Variants in STAR observed in about 807,000 individuals in gnomAD.
STAR encodes the protein steroidogenic acute regulatory protein, also known as steroidogenic acute regulatory protein, mitochondrial.
Under a neutral mutation model 32.3 loss-of-function variants are expected in STAR, and 32 were observed. That is an observed-to-expected ratio of 0.99 (90% confidence interval 0.75 to 1.33). The LOEUF (loss-of-function observed/expected upper bound fraction) is 1.33, where lower values mean the gene tolerates loss of function less well. Ranked by LOEUF, STAR falls within the 40% of genes most tolerant of loss-of-function variation. The pLI is 0.00. For missense variants in STAR, 375 were observed against 379.0 expected, an observed-to-expected ratio of 0.99 and a Z score of 0.09; for synonymous variants, 134 against 140.5, an observed-to-expected ratio of 0.95 and a Z score of 0.33.
chr8:38,148,480 C>T, intron 2 of STAR, 153 bp from the exon 3 acceptor site: 1 of 1,391,398 alleles, frequency 7.2e-7, no homozygotes, highest in Non-Finnish European at 9.9e-7. Context: ...ACAGCCGCCC[C>T]AGGTGACCAG....
intron 4 of STAR, 36 bp from the exon 5 acceptor site, chr8:38,146,183 C>T: frequency 6.2e-7 from 1 of 1,613,684 alleles, no homozygotes; most frequent in South Asian, 1.1e-5. Context: ...CACGACTCAG[C>T]CTGTGTTGGG....
At chr8:38,150,683 G>C (rs765536237) in intron 1 of STAR, 72 bp downstream of exon 1, 27 of 1,599,808 alleles carry the variant, frequency 1.7e-5, no homozygotes, top group Admixed American at 1.0e-4. Flanking sequence ...ACTAGGATCA[G>C]AATTGGGTGG....
intron 5 of STAR, 100 bp downstream of exon 5, chr8:38,145,863 G>C: frequency 6.9e-7 from 1 of 1,446,592 alleles, no homozygotes; most frequent in South Asian, 1.2e-5. Flanking sequence ...GTGCACCAAG[G>C]GTTGGTTTCT....
At position 38,150,896 on chromosome 8, in the gene STAR, G is replaced by A. The variant is rs1264801797; in HGVS notation, c.-78C>T. The A allele has an allele frequency of 6.3e-7, 1 of 1,599,686 alleles. No individual in the cohort carries two copies. Among genetic ancestry groups the A allele is most frequent in the Non-Finnish European group, 8.5e-7 (1 of 1,179,820 alleles). On this transcript the variant is annotated 5_prime_UTR_variant, in exon 1 of 7. Coordinates refer to ENST00000276449, the MANE Select transcript of STAR (RefSeq NM_000349.3). ...CGCTGCTGCTGCCTCTTCTCTCAAG[G>A]GTGGTTCTTCGTCCTTCCTGAGCCC...
Position 38,150,752 on chromosome 8 carries a change from C to A in STAR, c.64+3G>T. ...CTCATCGCCTCCTTCCCGCAGCGCTCACCCTTCATGTTGCGCATGTGTCTG... is the reference window on the plus strand; with the variant it reads ...CTCATCGCCTCCTTCCCGCAGCGCTAACCCTTCATGTTGCGCATGTGTCTG... On this transcript the variant is annotated splice_donor_region_variant and intron_variant, in intron 1 of 6. Coordinates refer to ENST00000276449, the MANE Select transcript of STAR (RefSeq NM_000349.3). 6.2e-7 allele frequency: 1 copy of A among 1,606,912 alleles called. No homozygotes were observed. Among genetic ancestry groups the A allele is most frequent in the South Asian group, 1.1e-5 (1 of 91,078 alleles).
In STAR at chr8:38,148,925, C is replaced by T. The variant is rs1442342355; in HGVS notation, c.65-171G>A. ...CTGAACTAGAGCCAGGCCCTCAACT[C>T]CCATGGCAGTGCTCCAGGGTCCAGA... On this transcript the variant is annotated intron_variant, in intron 1 of 6. Transcript: ENST00000276449. 3 of 629,426 alleles carry T rather than the reference C, an allele frequency of 4.8e-6. No individual in the cohort carries two copies. In the South Asian group the frequency reaches 5.4e-5, roughly 11 times the overall value. 39.0% of individuals were successfully genotyped at this position (629,426 alleles called of 1,614,324 possible). A position where few individuals can be genotyped will look rare whatever the true frequency, so the allele number is the denominator to read the frequency against.
In STAR at chr8:38,145,147, A is replaced by G. The variant is rs1802544241; in HGVS notation, c.744+75T>C. 1.9e-6 allele frequency: 3 copies of G among 1,607,836 alleles called. No individual in the cohort carries two copies. The South Asian group carries it at 3.3e-5, about 18-fold the overall frequency. Reference sequence around the variant, plus strand: ...CAGAATAGAAGAGGATTCTTTCTGCAGCATGGGGGGAATGGGAAGAGCCTG... The same window carrying G: ...CAGAATAGAAGAGGATTCTTTCTGCGGCATGGGGGGAATGGGAAGAGCCTG... On this transcript the variant is annotated intron_variant, in intron 6 of 6. Coordinates refer to ENST00000276449, the MANE Select transcript of STAR (RefSeq NM_000349.3).
At position 38,143,223 on chromosome 8, in the gene STAR, T is replaced by A. The variant is rs1802497263; in HGVS notation, c.*1050A>T. Among the ~76,000 whole-genome samples, 1 of 152,172 alleles carries A rather than the reference T, an allele frequency of 6.6e-6. No individual in the cohort carries two copies. Among genetic ancestry groups the A allele is most frequent in the Admixed American group, 6.6e-5 (1 of 15,266 alleles). ...TAATTTCCCAGTAGTTCCTTTCCTT[T>A]TAATGAGCCTTAATTTAGTTTGACT... On this transcript the variant is annotated 3_prime_UTR_variant, in exon 7 of 7. Transcript: ENST00000276449.
At chr8:38,150,169 C>T (rs1802642280) in intron 1 of STAR, among the ~76,000 whole-genome samples, 1 of 151,914 alleles carries the variant, frequency 6.6e-6, no homozygotes, top group Non-Finnish European at 1.5e-5. Context: ...ATCCCTTGAG[C>T]CCAGGGGGTC....
chr8:38,144,436 TC>T, intron 6 of STAR, 50 bp from the exon 7 acceptor site: 1 of 1,551,550 alleles, frequency 6.4e-7, no homozygotes, highest in Non-Finnish European at 8.7e-7. Flanking sequence ...TTTGGCCCAC[TC>T]TTGACACTGC....
intron 1 of STAR, among the ~76,000 whole-genome samples, chr8:38,150,101 G>T (rs1802641058): frequency 6.6e-6 from 1 of 152,098 alleles, no homozygotes; most frequent in African/African-American, 2.4e-5. Flanking sequence ...AATAAAGTAA[G>T]CCAGGTGTGG....
intron 1 of STAR, among the ~76,000 whole-genome samples, chr8:38,150,172 A>AG (rs1802642447): frequency 6.6e-6 from 1 of 152,124 alleles, no homozygotes; most frequent in Non-Finnish European, 1.5e-5. Context: ...CCTTGAGCCC[A>AG]GGGGGTCAAG....
chr8:38,145,368 C>T, intron 5 of STAR, 53 bp from the exon 6 acceptor site: 1 of 1,612,458 alleles, frequency 6.2e-7, no homozygotes, highest in Non-Finnish European at 8.5e-7. Context: ...CTCTCTTGCA[C>T]TGGCTGCTTA....
At position 38,146,404 on chromosome 8, in the gene STAR, C is replaced by T. The variant is rs1316765505; in HGVS notation, c.350G>A (p.Gly117Asp). 6.2e-7 allele frequency: 1 copy of T among 1,614,030 alleles called. No individual in the cohort carries two copies. Among genetic ancestry groups the T allele is most frequent in the East Asian group, 2.2e-5 (1 of 44,890 alleles). Residue 117 changes from glycine to aspartate, a missense_variant, in exon 4 of 7, where the codon GGC becomes GAC. Transcript: ENST00000276449. ...CACGACCTCCAGCCGGAACACCTTG[C>T]CCACATCTGGGACCACTTTACTCAT... is the stretch of plus-strand genomic sequence containing the variant. ...KVMSKVVPDV[G>D]KVFRLEVVVD... is the part of the protein sequence containing the mutation.
rs971690770 is a variant in STAR, at chr8:38,142,763, T to C, written c.*1510A>G. On this transcript the variant is annotated 3_prime_UTR_variant, in exon 7 of 7. Transcript: ENST00000276449. ...GGCTGGTCTCCTGCCCTCAGGTGAT[T>C]GCCTGCCTTGGCCTCCCAAAGTGCT... 1.3e-5 allele frequency among the ~76,000 whole-genome samples: 2 copies of C among 152,042 alleles called. No individual in the cohort carries two copies. Among genetic ancestry groups the C allele is most frequent in the African/African-American group, 4.8e-5 (2 of 41,392 alleles).
rs752897380 is a variant in STAR at position 38,146,354 on chromosome 8, A to G, written c.400T>C (p.Tyr134His). ...VVVDQPMERL[Y>H]EELVERMEAM... ...TCCATGCGCTCCACGAGCTCTTCATAGAGCCTCTCCATGGGCTGGTCCACC... is the reference window on the plus strand; with the variant it reads ...TCCATGCGCTCCACGAGCTCTTCATGGAGCCTCTCCATGGGCTGGTCCACC... Residue 134 changes from tyrosine to histidine, a missense_variant, in exon 4 of 7, where the codon TAT (tyrosine) becomes CAT (histidine). By Grantham distance (83) the Tyr-to-His change is moderately conservative. Transcript: ENST00000276449. The G allele has an allele frequency of 3.1e-6, 5 of 1,614,122 alleles. No homozygotes were observed. Among genetic ancestry groups the G allele is most frequent in the South Asian group, 1.1e-5 (1 of 91,082 alleles).
At chr8:38,145,184 A>G in intron 6 of STAR, 38 bp downstream of exon 6, 1 of 1,613,650 alleles carries the variant, frequency 6.2e-7, no homozygotes, top group Non-Finnish European at 8.5e-7. Flanking sequence ...TTTTCTCACT[A>G]CCACCTGCCT....
chr8:38,145,084 C>A (rs147676151), intron 6 of STAR, 138 bp downstream of exon 6: 17 of 1,517,904 alleles, frequency 1.1e-5, no homozygotes, highest in East Asian at 7.7e-5. Context: ...TAGGCCATCA[C>A]TCCAGACCCT....
intron 1 of STAR, 48 bp from the exon 2 acceptor site, chr8:38,148,802 G>A: frequency 7.3e-7 from 1 of 1,378,828 alleles, no homozygotes; most frequent in Non-Finnish European, 9.7e-7. Flanking sequence ...GCCCCTTAGA[G>A]ATGGACCACT....
Sources: allele counts gnomAD v4.1 joint callset (sites outside exome capture counted in the v4.1 genomes callset), GRCh38; gene constraint gnomAD v4.1.1; transcripts MANE v1.5; gene names NCBI Gene and HGNC (gene_info 2026-07-23, HGNC 2026-07-21).